ANKFY1: variants seen among roughly 807,000 people sequenced by gnomAD.
ANKFY1 encodes the protein ankyrin repeat and FYVE domain-containing protein 1.
In ANKFY1, 47 loss-of-function variants were observed where a neutral mutation model predicts 128.3. The observed-to-expected ratio is 0.37, with a 90% CI of 0.29 to 0.47. The LOEUF is 0.47. Among genes scored for constraint, ANKFY1 ranks in the 20% least tolerant of loss-of-function variants. The pLI is 1.00. For missense variants in ANKFY1, 1,222 were observed against 1,510.6 expected (o/e 0.81, Z 3.17); for synonymous variants, 553 against 601.6 (o/e 0.92, Z 1.18).
chr17:4,176,952 G>A (rs1451074545), intron 19 of ANKFY1, among the ~76,000 whole-genome samples, 174 bp downstream of exon 19: 4 of 152,188 alleles, frequency 2.6e-5, no homozygotes, highest in African/African-American at 9.7e-5. Context: ...GCCCAGTGGG[G>A]CGCTCAGGAC....
At chr17:4,183,310 A>T in intron 14 of ANKFY1, 88 bp downstream of exon 14, 1 of 1,518,324 alleles carries the variant, frequency 6.6e-7, no homozygotes, top group Non-Finnish European at 8.9e-7. Flanking sequence ...ATATGAAACA[A>T]AAACACTTTT....
At chr17:4,233,826 T>C (rs1214082419) in intron 3 of ANKFY1, among the ~76,000 whole-genome samples, 1 of 152,232 alleles carries the variant, frequency 6.6e-6, no homozygotes, top group African/African-American at 2.4e-5. Context: ...GTTATAATCA[T>C]CTCAGTGTTC....
chr17:4,235,318 G>GT (rs1307147616), intron 3 of ANKFY1, among the ~76,000 whole-genome samples: 1 of 120,118 alleles, frequency 8.3e-6, no homozygotes, highest in Non-Finnish European at 1.6e-5. Flanking sequence ...TCCAGCCTGG[G>GT]TAACAGAGTG....
At chr17:4,184,169 C>T (rs1455554581) in intron 12 of ANKFY1, among the ~76,000 whole-genome samples, 1 of 152,164 alleles carries the variant, frequency 6.6e-6, no homozygotes, top group Non-Finnish European at 1.5e-5. Flanking sequence ...TACGGAAACA[C>T]GCTTGATTAC....
intron 7 of ANKFY1, among the ~76,000 whole-genome samples, chr17:4,203,671 C>T (rs532491514): frequency 5.9e-5 from 9 of 151,306 alleles, no homozygotes; most frequent in East Asian, 1.9e-4. Context: ...CAAAATTAGC[C>T]GGGCGTGGTG....
At chr17:4,241,563 C>T (rs944973173) in intron 2 of ANKFY1, among the ~76,000 whole-genome samples, 2 of 151,770 alleles carry the variant, frequency 1.3e-5, no homozygotes, top group African/African-American at 2.4e-5. Context: ...CATGAGCCAC[C>T]GTGCCCAGCC....
intron 4 of ANKFY1, among the ~76,000 whole-genome samples, chr17:4,211,541 A>G (rs997541055): frequency 1.3e-5 from 2 of 152,166 alleles, no homozygotes; most frequent in Admixed American, 1.3e-4. Flanking sequence ...AAAGCCGCAT[A>G]ATAATAAAAA....
chr17:4,183,077 G>C (rs2059544419), intron 14 of ANKFY1, among the ~76,000 whole-genome samples: 1 of 152,178 alleles, frequency 6.6e-6, no homozygotes, highest in African/African-American at 2.4e-5. Flanking sequence ...CTGCACTCCA[G>C]CCTAGGCAAA....
At chr17:4,218,679 G>GA (rs1248914638) in intron 3 of ANKFY1, among the ~76,000 whole-genome samples, 1 of 151,952 alleles carries the variant, frequency 6.6e-6, no homozygotes, top group Admixed American at 6.6e-5. Flanking sequence ...AACTACAGAA[G>GA]AAAAAAATTA....
chr17:4,195,963 G>GCCA (rs1302015863), intron 8 of ANKFY1, among the ~76,000 whole-genome samples: 1 of 151,370 alleles, frequency 6.6e-6, no homozygotes, highest in African/African-American at 2.4e-5. Context: ...GCACTGCAGA[G>GCCA]CCACCACTAA....
intron 4 of ANKFY1, among the ~76,000 whole-genome samples, chr17:4,215,749 CTA>C (rs2060211395): frequency 6.6e-6 from 1 of 152,226 alleles, no homozygotes; most frequent in African/African-American, 2.4e-5. Context: ...ATTATCTCAA[CTA>C]CTCCAACCCC....
intron 7 of ANKFY1, 23 bp downstream of exon 7, chr17:4,206,298 G>A: frequency 6.3e-7 from 1 of 1,596,710 alleles, no homozygotes; most frequent in Non-Finnish European, 8.6e-7. Context: ...TGCCTGCAGG[G>A]AAACATACAC....
intron 7 of ANKFY1, among the ~76,000 whole-genome samples, chr17:4,203,943 T>C (rs566187956): frequency 8.5e-5 from 13 of 152,248 alleles, no homozygotes; most frequent in African/African-American, 3.1e-4. Flanking sequence ...ACTCATCTTC[T>C]TGCTCAGATC....
intron 19 of ANKFY1, 91 bp downstream of exon 19, chr17:4,177,035 C>T (rs1207899605): frequency 1.1e-5 from 14 of 1,322,290 alleles, no homozygotes; most frequent in African/African-American, 1.5e-5. Flanking sequence ...TTTCACAACA[C>T]CGGGCAAAGC....
chr17:4,167,744 A>G lies in ANKFY1; in HGVS notation c.*35T>C, dbSNP rs752412370. ...GAGCAGAGCAGCTGCTGGGGAGGTG[A>G]CCAAGGACGTGGCCTGGACCCTCCG... On this transcript the variant is annotated 3_prime_UTR_variant, in exon 25 of 25. Coordinates refer to ENST00000341657, the MANE Select transcript of ANKFY1 (RefSeq NM_001330063.2). This position sits in a 1 kb window ranked among gnomAD's most constrained non-coding sequence, Gnocchi z 4.1. 6.8e-5 allele frequency: 108 copies of G among 1,582,538 alleles called. No individual in the cohort carries two copies. In the Admixed American group the frequency reaches 8.6e-4, roughly 13 times the overall value.
In ANKFY1 at chr17:4,188,944, C is replaced by A. The variant is rs1436908699; in HGVS notation, c.1470+438G>T. 4 of 154,650 alleles carry A rather than the reference C, an allele frequency of 2.6e-5. No individual in the cohort carries two copies. The Admixed American group carries it at 2.6e-4, about 10-fold the overall frequency. The allele number at this position is 154,650 out of a possible 1,614,324, so 9.6% of individuals were successfully genotyped here. On this transcript the variant is annotated intron_variant, in intron 11 of 24. Coordinates refer to ENST00000341657, the MANE Select transcript of ANKFY1 (RefSeq NM_001330063.2). ...CTGGTAAACTCGGTAACGTCCAACC[C>A]CAAAGGTAACACTTTTATTCATAAC... is the stretch of plus-strand genomic sequence containing the variant.
chr17:4,204,702 AT>A lies in ANKFY1; in HGVS notation c.898+1618del, dbSNP rs113259765. ...GGGAGGAAAGAAACAAAATTCTCAG[AT>A]TTTTTTTTTTTAGTAACAGGGTATC... On this transcript the variant is annotated intron_variant, in intron 7 of 24. Coordinates refer to ENST00000341657, the MANE Select transcript of ANKFY1 (RefSeq NM_001330063.2). 9.6e-3 allele frequency among the ~76,000 whole-genome samples: 1,409 copies of A among 147,358 alleles called. 16 individuals carry two copies. Among genetic ancestry groups the A allele is most frequent in the African/African-American group, 0.031 (1,276 of 40,572 alleles).
intron 1 of ANKFY1, among the ~76,000 whole-genome samples, chr17:4,258,444 G>T (rs544222903): frequency 8.6e-5 from 13 of 150,892 alleles, no homozygotes; most frequent in Non-Finnish European, 1.9e-4. Flanking sequence ...AGAATGGTGT[G>T]AACCTGGGAG....
Position 4,195,033 on chromosome 17 carries a change from A to G in ANKFY1, c.1317T>C (p.Phe439=). 1 of 1,614,218 alleles carries G rather than the reference A, an allele frequency of 6.2e-7. No homozygotes were observed. The highest frequency in any genetic ancestry group is 8.5e-7 in the Non-Finnish European group (1 of 1,180,048). ...TGCCGCGCTGGATGAGTCTGGCTGC[A>G]AAGCTGTTCTCATCAAATGAAGTCC... The part of the protein sequence containing the change: ...VNGTSFDENS[F]AARLIQRGSH... Residue 439 remains phenylalanine, a synonymous_variant, in exon 10 of 25, where the codon TTT becomes TTC. Transcript: ENST00000341657.
Sources: allele counts gnomAD v4.1 joint callset (sites outside exome capture counted in the v4.1 genomes callset), GRCh38; gene constraint gnomAD v4.1.1; non-coding constraint Gnocchi (gnomAD v3.1); transcripts MANE v1.5; gene names NCBI Gene and HGNC (gene_info 2026-07-23, HGNC 2026-07-21).